Variants in BBS2 observed in about 807,000 individuals in gnomAD.
BBS2 encodes the protein BBSome complex member BBS2.
BBS2 carries 62 observed loss-of-function variants against 83.0 expected under a neutral mutation model. The observed-to-expected ratio is 0.75, with a 90% confidence interval of 0.61 to 0.92. The LOEUF (loss-of-function observed/expected upper bound fraction) is 0.92, where lower values mean the gene tolerates loss of function less well. BBS2 is among the 40% of genes least tolerant of loss of function. BBS2 has a pLI of 0.00. For missense variants in BBS2, 784 were observed against 901.0 expected (o/e 0.87, Z 1.66); for synonymous variants, 303 against 326.1 (o/e 0.93, Z 0.76).
At chr16:56,508,221 T>C (rs1964476887) in intron 5 of BBS2, among the ~76,000 whole-genome samples, 1 of 152,222 alleles carries the variant, frequency 6.6e-6, no homozygotes, top group South Asian at 2.1e-4. Flanking sequence ...TCTCCTTTTA[T>C]AGTTAGGAGA....
intron 15 of BBS2, among the ~76,000 whole-genome samples, chr16:56,486,376 AC>A (rs1470031732): frequency 6.6e-6 from 1 of 152,004 alleles, no homozygotes; most frequent in Non-Finnish European, 1.5e-5. Flanking sequence ...AGAAATGAAA[AC>A]CTATGTCTAT....
intron 17 of BBS2, chr16:56,474,983 C>A: frequency 6.2e-7 from 1 of 1,609,704 alleles, no homozygotes; most frequent in Non-Finnish European, 8.5e-7. Context: ...GTGGATTATT[C>A]CCCGTAGGAG....
chr16:56,479,513 A>C (rs1471919159), downstream of BBS2, among the ~76,000 whole-genome samples: 2 of 152,304 alleles, frequency 1.3e-5, no homozygotes, highest in Non-Finnish European at 2.9e-5. Flanking sequence ...AGACTATATA[A>C]ATAACACATG....
At chr16:56,470,955 C>G (rs541576647) in intron 17 of BBS2, among the ~76,000 whole-genome samples, 5 of 152,238 alleles carry the variant, frequency 3.3e-5, no homozygotes, top group South Asian at 4.2e-4. Context: ...AGCTTACATT[C>G]TAGTAGAAGA....
At chr16:56,519,647 G>GGGGGCGGGGTC in intron 1 of BBS2, 99 bp downstream of exon 1, 2 of 952,010 alleles carry the variant, frequency 2.1e-6, no homozygotes, top group Non-Finnish European at 3.3e-6. Flanking sequence ...AACACGGGCT[G>GGGGGCGGGGTC]GGGGCGGGGT....
chr16:56,516,323 C>G (rs1372939049), intron 1 of BBS2, among the ~76,000 whole-genome samples: 1 of 152,172 alleles, frequency 6.6e-6, no homozygotes, highest in African/African-American at 2.4e-5. Flanking sequence ...CAACTGACCC[C>G]TAAGCATTAC....
At chr16:56,497,341 T>G in intron 14 of BBS2, 1 of 533,176 alleles carries the variant, frequency 1.9e-6, no homozygotes, top group Non-Finnish European at 3.4e-6. Context: ...ATTAATATTT[T>G]AGGGATTTGC....
intron 6 of BBS2, 38 bp downstream of exon 6, chr16:56,506,082 A>G: frequency 1.2e-6 from 2 of 1,610,042 alleles, no homozygotes; most frequent in South Asian, 1.1e-5. Flanking sequence ...CACAATAACT[A>G]TCAAGCGCCT....
Position 56,484,411 on chromosome 16 carries a change from AAGT to A in BBS2, c.*347_*349del, listed in dbSNP as rs1567563397. The A allele has an allele frequency of 1.0e-5, 2 of 193,888 alleles. No homozygotes were observed. Among genetic ancestry groups the A allele is most frequent in the Non-Finnish European group, 2.2e-5 (2 of 92,338 alleles). The allele number at this position is 193,888 out of a possible 1,614,324, so 12.0% of individuals were successfully genotyped here. ...TTAACATCTTTACATTTTAATGAAA[AAGT>A]AGATAATCTATTTGAAAAGTACAAA... On this transcript the variant is annotated 3_prime_UTR_variant, in exon 17 of 17. Coordinates refer to ENST00000245157, the MANE Select transcript of BBS2 (RefSeq NM_031885.5).
Position 56,496,876 on chromosome 16 carries a change from T to G in BBS2, c.1910+91A>C. 4 of 979,452 alleles carry G rather than the reference T, an allele frequency of 4.1e-6. No homozygotes were observed. In the East Asian group the frequency reaches 7.1e-5, roughly 17 times the overall value. 60.7% of individuals were successfully genotyped at this position (979,452 alleles called of 1,614,324 possible). A position where few individuals can be genotyped will look rare whatever the true frequency, so the allele number is the denominator to read the frequency against. ...TATTTTCCAAAGTCACTGTAACAAT[T>G]TATACTTCTATTGGTAACATCTGAG... On this transcript the variant is annotated intron_variant, in intron 15 of 16. Transcript: ENST00000245157.
downstream of BBS2, among the ~76,000 whole-genome samples, chr16:56,479,879 G>A (rs754726336): frequency 1.5e-4 from 23 of 152,328 alleles, no homozygotes; most frequent in East Asian, 3.9e-4. Context: ...CAACAAGAAC[G>A]GACAGATTTT....
chr16:56,470,632 A>T, exon 18 of BBS2: 1 of 1,614,206 alleles, frequency 6.2e-7, no homozygotes, highest in Non-Finnish European at 8.5e-7. Context: ...AGAAGATGAG[A>T]TGAATGATAA....
chr16:56,485,470 G>C (rs1421381652), intron 16 of BBS2, 120 bp downstream of exon 16: 5 of 1,326,406 alleles, frequency 3.8e-6, no homozygotes, highest in Non-Finnish European at 4.3e-6. Context: ...GCCAGCTCTG[G>C]AGTGTGAAAG....
chr16:56,485,831 C>T, intron 15 of BBS2, 93 bp from the exon 16 acceptor site: 1 of 1,172,744 alleles, frequency 8.5e-7, no homozygotes, highest in Non-Finnish European at 1.3e-6. Context: ...AAAGAAAAGA[C>T]ACCATTTTTA....
At chr16:56,518,364 T>A (rs901552569) in intron 1 of BBS2, among the ~76,000 whole-genome samples, 1 of 152,222 alleles carries the variant, frequency 6.6e-6, no homozygotes, top group Non-Finnish European at 1.5e-5. Context: ...CACTTTCTAG[T>A]TGAGTGGCTC....
chr16:56,518,754 C>T (rs1964823777), intron 1 of BBS2, among the ~76,000 whole-genome samples: 1 of 152,068 alleles, frequency 6.6e-6, no homozygotes, highest in Non-Finnish European at 1.5e-5. Flanking sequence ...TTTGCCTTGT[C>T]TGTTAGCTTC....
chr16:56,502,163 C>T (rs1413448182), intron 9 of BBS2, 154 bp downstream of exon 9: 1 of 1,014,154 alleles, frequency 9.9e-7, no homozygotes, highest in East Asian at 2.4e-5. Flanking sequence ...AATGAAATTT[C>T]AAGACGAAAG....
intron 15 of BBS2, among the ~76,000 whole-genome samples, chr16:56,494,593 C>A (rs545037215): frequency 3.3e-4 from 50 of 152,140 alleles, no homozygotes; most frequent in Middle Eastern, 6.8e-3. Context: ...AAAGAACCAA[C>A]CAAATTAATG....
chr16:56,470,900 T>C, intron 17 of BBS2: 2 of 1,144,934 alleles, frequency 1.7e-6, no homozygotes, highest in Non-Finnish European at 1.2e-6. Flanking sequence ...TAAGCCCTAT[T>C]TCAGGAACTG....
Sources: gnomAD v4.1 joint callset for allele counts (sites outside exome capture counted in the v4.1 genomes callset) on GRCh38, gnomAD v4.1.1 for gene constraint, MANE v1.5 for transcripts, NCBI Gene and HGNC (gene_info 2026-07-23, HGNC 2026-07-21) for gene names.